TFRC: variants seen among roughly 807,000 people sequenced by gnomAD.
TFRC encodes transferrin receptor, also known as transferrin receptor protein 1.
In TFRC, 35 loss-of-function variants were observed where a neutral mutation model predicts 85.8. The observed-to-expected ratio is 0.41, with a 90% CI of 0.31 to 0.54. The LOEUF is 0.54. Among genes scored for constraint, TFRC ranks in the 20% least tolerant of loss-of-function variants. The probability of loss-of-function intolerance (pLI) is 0.31; values close to 1 mark genes in which losing one functional copy is unlikely to be tolerated. For synonymous variants in TFRC, 362 were observed against 328.6 expected (o/e 1.10, Z -1.10); for missense variants, 828 against 921.5 (o/e 0.90, Z 1.31).
At chr3:196,078,667 TAAAAA>T (rs1456162821) in intron 1 of TFRC, among the ~76,000 whole-genome samples, 12 of 151,536 alleles carry the variant, frequency 7.9e-5, no homozygotes, top group Admixed American at 4.6e-4. Context: ...AAAAAAATAA[TAAAAA>T]AGAAAAAGAA....
At position 196,077,086 on chromosome 3, in the gene TFRC, G is replaced by C; in HGVS notation, c.14C>G (p.Ala5Gly). Residue 5 changes from alanine to glycine, a missense_variant, in exon 2 of 19, where the codon GCT becomes GGT. Physicochemically the swap from Ala to Gly is moderately conservative, Grantham distance 60. Coordinates refer to ENST00000360110, the MANE Select transcript of TFRC (RefSeq NM_001128148.3). ...TACCAAGTTAGAGAATGCTGATCTA[G>C]CTTGATCCATCATTCTGAACTGCCA... MMDQ[A>G]RSAFSNLFGG... The C allele has an allele frequency of 6.2e-7, 1 of 1,613,742 alleles. No homozygotes were observed. Among genetic ancestry groups the C allele is most frequent in the Non-Finnish European group, 8.5e-7 (1 of 1,179,774 alleles).
Position 196,074,968 on chromosome 3 carries a change from C to T in TFRC, c.238+191G>A, listed in dbSNP as rs547553088. Among the ~76,000 whole-genome samples the T allele has an allele frequency of 7.4e-5, 11 of 149,528 alleles. No homozygotes were observed. The South Asian group carries it at 2.3e-3, about 32-fold the overall frequency. ...AGGCTAAGGCAGAGAATCGCTTAAA[C>T]CTGGGAGGCTGAGGTTGCAGTGAGC... On this transcript the variant is annotated intron_variant, in intron 3 of 18. Transcript: ENST00000360110.
rs763740868 is a variant in TFRC, at chr3:196,068,064, T to C, written c.868A>G (p.Ile290Val). ...LIYMDQTKFP[I>V]VNAELSFFGH... ...AAGAATGAAAGTTCTGCGTTAACAATGGGAAATTTAGTCTGGTCCATGTAT... is the reference window on the plus strand; with the variant it reads ...AAGAATGAAAGTTCTGCGTTAACAACGGGAAATTTAGTCTGGTCCATGTAT... The change falls in exon 8 of 19, where the codon ATT (isoleucine) becomes GTT (valine). Residue 290 changes from isoleucine to valine, a missense_variant. Coordinates refer to ENST00000360110, the MANE Select transcript of TFRC (RefSeq NM_001128148.3). 6.2e-7 allele frequency: 1 copy of C among 1,613,260 alleles called. No individual in the cohort carries two copies. The highest frequency in any genetic ancestry group is 1.7e-5 in the Admixed American group (1 of 59,836).
intron 13 of TFRC, 110 bp from the exon 14 acceptor site, chr3:196,060,357 G>A (rs753788247): frequency 1.3e-5 from 12 of 908,642 alleles, no homozygotes; most frequent in East Asian, 2.6e-5. Flanking sequence ...TAGATCAGTG[G>A]CCCTGTGCAA....
chr3:196,079,760 G>A (rs1210908657), intron 1 of TFRC, among the ~76,000 whole-genome samples: 1 of 152,170 alleles, frequency 6.6e-6, no homozygotes, highest in Admixed American at 6.5e-5. Flanking sequence ...ACCATGAAAT[G>A]GAACACATTC....
At chr3:196,073,894 A>G in intron 4 of TFRC, 36 bp downstream of exon 4, 1 of 1,580,402 alleles carries the variant, frequency 6.3e-7, no homozygotes, top group Non-Finnish European at 8.6e-7. Context: ...TTCTTGAATT[A>G]CTTGTCTAGA....
At chr3:196,075,501 T>G in intron 2 of TFRC, 141 bp from the exon 3 acceptor site, 1 of 745,560 alleles carries the variant, frequency 1.3e-6, no homozygotes, top group Non-Finnish European at 2.2e-6. Flanking sequence ...ACCAACATTC[T>G]TCCCTGGGCC....
intron 17 of TFRC, among the ~76,000 whole-genome samples, chr3:196,054,753 C>T (rs955006098): frequency 2.0e-5 from 3 of 152,214 alleles, no homozygotes; most frequent in Non-Finnish European, 4.4e-5. Context: ...ATCCGGGTCA[C>T]GCCCGAGAGG....
Position 196,051,985 on chromosome 3 carries a change from T to C in TFRC, c.2240A>G (p.Asn747Ser), listed in dbSNP as rs957809269. 3 of 1,614,186 alleles carry C rather than the reference T, an allele frequency of 1.9e-6. No individual in the cohort carries two copies. The highest frequency in any genetic ancestry group is 2.5e-6 in the Non-Finnish European group (3 of 1,180,024). The change falls in exon 19 of 19, where the codon AAT (asparagine) becomes AGT (serine). Residue 747 changes from asparagine (N) to serine (S), a missense_variant. Coordinates refer to ENST00000360110, the MANE Select transcript of TFRC (RefSeq NM_001128148.3). ...LATWTIQGAA[N>S]ALSGDVWDID... Reference sequence around the variant, plus strand: ...GTCCCAAACGTCACCAGAGAGGGCATTTGCAGCTCCCTGAATAGTCCAAGT... The same window carrying C: ...GTCCCAAACGTCACCAGAGAGGGCACTTGCAGCTCCCTGAATAGTCCAAGT...
chr3:196,054,594 T>C (rs554311775), intron 17 of TFRC, among the ~76,000 whole-genome samples: 3 of 152,346 alleles, frequency 2.0e-5, no homozygotes, highest in Non-Finnish European at 2.9e-5. Context: ...TGGGCTGGAC[T>C]CCAGCAATCC....
At chr3:196,058,153 C>T in intron 16 of TFRC, 131 bp downstream of exon 16, 1 of 635,308 alleles carries the variant, frequency 1.6e-6, no homozygotes, top group South Asian at 2.8e-5. Flanking sequence ...ACTTGTTTTC[C>T]TTTACTCCTC....
chr3:196,071,590 G>T (rs1333628699), intron 5 of TFRC, 92 bp from the exon 6 acceptor site: 21 of 1,287,780 alleles, frequency 1.6e-5, no homozygotes, highest in Non-Finnish European at 2.3e-5. Context: ...TATTTGGCTT[G>T]AGGAAATTTA....
chr3:196,050,391 G>C lies in TFRC; in HGVS notation c.*1551C>G, dbSNP rs1030324261. On this transcript the variant is annotated 3_prime_UTR_variant, in exon 19 of 19. Transcript: ENST00000360110. Reference sequence around the variant, plus strand: ...TCTGCAACTAAAACTAAAAGATAGGGAATTATAGGAGTTGGGATACATGTT... The same window carrying C: ...TCTGCAACTAAAACTAAAAGATAGGCAATTATAGGAGTTGGGATACATGTT... 3 of 212,602 alleles carry C rather than the reference G, an allele frequency of 1.4e-5. No individual in the cohort carries two copies. Among genetic ancestry groups the C allele is most frequent in the Non-Finnish European group, 2.9e-5 (3 of 104,942 alleles). The allele number at this position is 212,602 out of a possible 1,614,324, so 13.2% of individuals were successfully genotyped here. A position where few individuals can be genotyped will look rare whatever the true frequency, so the allele number is the denominator to read the frequency against.
chr3:196,081,657 C>G (rs1411022385), intron 1 of TFRC, among the ~76,000 whole-genome samples: 1 of 152,232 alleles, frequency 6.6e-6, no homozygotes, highest in African/African-American at 2.4e-5. Flanking sequence ...CCTTCAAGGG[C>G]GAGGACCCGA....
chr3:196,081,421 A>C (rs1198309179), intron 1 of TFRC, among the ~76,000 whole-genome samples: 1 of 152,208 alleles, frequency 6.6e-6, no homozygotes, highest in Non-Finnish European at 1.5e-5. Context: ...TAGTAACCGA[A>C]TCGGGGACAG....
chr3:196,054,964 C>T, intron 17 of TFRC, 116 bp downstream of exon 17: 1 of 1,069,664 alleles, frequency 9.3e-7, no homozygotes, highest in Non-Finnish European at 1.4e-6. Flanking sequence ...CCTCAGTTCA[C>T]TTTAAAATGT....
At position 196,073,819 on chromosome 3, in the gene TFRC, T is replaced by C. The variant is rs572627434; in HGVS notation, c.434+111A>G. 5 of 1,159,284 alleles carry C rather than the reference T, an allele frequency of 4.3e-6. No homozygotes were observed. The African/African-American group carries it at 6.2e-5, about 14-fold the overall frequency. 71.8% of individuals were successfully genotyped at this position (1,159,284 alleles called of 1,614,324 possible). On this transcript the variant is annotated intron_variant, in intron 4 of 18. Transcript: ENST00000360110. Reference sequence around the variant, plus strand: ...CCTCTTTAGCTAAACATGACAAGTCTTGTCTTCTCTAACAAGCCATTCCCC... The same window carrying C: ...CCTCTTTAGCTAAACATGACAAGTCCTGTCTTCTCTAACAAGCCATTCCCC...
intron 13 of TFRC, among the ~76,000 whole-genome samples, chr3:196,061,473 C>CA (rs1409599389): frequency 1.9e-4 from 29 of 149,310 alleles, no homozygotes; most frequent in South Asian, 1.3e-3. Context: ...CAAGGGTTGC[C>CA]AAAAAAAAAG....
chr3:196,068,364 A>C (rs1196711155), intron 7 of TFRC, among the ~76,000 whole-genome samples: 2 of 149,438 alleles, frequency 1.3e-5, no homozygotes, highest in Admixed American at 1.3e-4. Context: ...TGTAATCCCA[A>C]CACCTTGCAA....
Sources: allele counts gnomAD v4.1 joint callset (sites outside exome capture counted in the v4.1 genomes callset), GRCh38; gene constraint gnomAD v4.1.1; transcripts MANE v1.5; gene names NCBI Gene and HGNC (gene_info 2026-07-23, HGNC 2026-07-21).